The following ARGFX variants were observed in gnomAD, a reference collection of about 807,000 sequenced individuals.
ARGFX encodes arginine-fifty homeobox.
ARGFX carries 10 observed loss-of-function variants against 8.0 expected under a neutral mutation model. The observed-to-expected ratio is 1.25, with a 90% CI of 0.77 to 2.12. The LOEUF (loss-of-function observed/expected upper bound fraction) is 2.12. Ranked by LOEUF, ARGFX falls within the 30% of genes most tolerant of loss-of-function variation. ARGFX has a pLI of 0.00. For synonymous variants in ARGFX, 116 were observed against 117.8 expected (o/e 0.98, Z 0.10); for missense variants, 282 against 324.3 (o/e 0.87, Z 1.00).
chr3:121,585,152 C>T lies in ARGFX; in HGVS notation c.369+87C>T, dbSNP rs142772117. 7.5e-5 allele frequency: 107 copies of T among 1,418,878 alleles called. No homozygotes were observed. The East Asian group carries it at 2.4e-3, about 32-fold the overall frequency. The allele number at this position is 1,418,878 out of a possible 1,614,324, so 87.9% of individuals were successfully genotyped here. ...GAAATTCCCCACCCTCTACCCCTGCCCCACAATAATATTTCATTAATTGAG... is the reference window on the plus strand; with the variant it reads ...GAAATTCCCCACCCTCTACCCCTGCTCCACAATAATATTTCATTAATTGAG... On this transcript the variant is annotated intron_variant, in intron 4 of 4. Coordinates refer to ENST00000334384, the MANE Select transcript of ARGFX (RefSeq NM_001012659.2).
chr3:121,582,405 A>G lies in ARGFX; in HGVS notation c.221-2512A>G, dbSNP rs542828760. ...TTTAAGATATGGCTATCTAAGGTAA[A>G]TACAGTTTGAGTAGAATAATTTTAT... On this transcript the variant is annotated intron_variant, in intron 3 of 4. Coordinates refer to ENST00000334384, the MANE Select transcript of ARGFX (RefSeq NM_001012659.2). Among the ~76,000 whole-genome samples, 13 of 152,306 alleles carry G rather than the reference A, an allele frequency of 8.5e-5. No homozygotes were observed. The South Asian group carries it at 2.5e-3, about 29-fold the overall frequency.
intron 3 of ARGFX, among the ~76,000 whole-genome samples, chr3:121,580,077 C>T (rs483713): frequency 0.099 from 14,984 of 151,026 alleles, 802 homozygotes; most frequent in Middle Eastern, 0.15. Context: ...CTCAGCCTCC[C>T]GAGTAGCTGG....
chr3:121,582,629 G>C (rs920021579), intron 3 of ARGFX, among the ~76,000 whole-genome samples: 1 of 152,148 alleles, frequency 6.6e-6, no homozygotes, highest in Non-Finnish European at 1.5e-5. Context: ...ATTTTTGCCT[G>C]ATTTTAGTAT....
chr3:121,585,183 A>G (rs1336613020), intron 4 of ARGFX, 118 bp downstream of exon 4: 2 of 1,158,008 alleles, frequency 1.7e-6, no homozygotes, highest in Non-Finnish European at 2.4e-6. Flanking sequence ...TTGAGTACCT[A>G]CTGAAACGGT....
rs762546821 is a variant in ARGFX at position 121,586,599 on chromosome 3, GA to G, written c.948del (p.Ter316CysfsTer42). The G allele has an allele frequency of 5.6e-6, 9 of 1,609,612 alleles. No individual in the cohort carries two copies. Among genetic ancestry groups the G allele is most frequent in the Non-Finnish European group, 7.6e-6 (9 of 1,177,598 alleles). On this transcript the variant is annotated frameshift_variant and stop_lost, in exon 5 of 5. Transcript: ENST00000334384. LOFTEE classifies it high-confidence loss of function. ...AATATGGTAGACTTGGGATTTCTCT[GA>G]CCAGAGTACTAATAAATATAGATCA... ...TSNMVDLGFL[*>X]
chr3:121,586,358 C>A lies in ARGFX; in HGVS notation c.706C>A (p.Leu236Ile), dbSNP rs1171684808. Reference sequence around the variant, plus strand: ...ATTCCAAATCATAGAACTGTACAATCTTCCTGATGAGAATGAGATATCCAG... The same window carrying A: ...ATTCCAAATCATAGAACTGTACAATATTCCTGATGAGAATGAGATATCCAG... ...DIFQIIELYN[L>I]PDENEISSSS... The change falls in exon 5 of 5, where the codon CTT (leucine) becomes ATT (isoleucine). Residue 236 changes from leucine (L) to isoleucine (I), a missense_variant. Transcript: ENST00000334384. The A allele has an allele frequency of 6.2e-7, 1 of 1,614,198 alleles. No individual in the cohort carries two copies. The highest frequency in any genetic ancestry group is 1.3e-5 in the African/African-American group (1 of 75,034).
rs1487679102 is a variant in ARGFX at position 121,587,062 on chromosome 3, T to G, written c.*462T>G. Among the ~76,000 whole-genome samples the G allele has an allele frequency of 1.3e-5, 2 of 151,916 alleles. No individual in the cohort carries two copies. Among genetic ancestry groups the G allele is most frequent in the South Asian group, 2.1e-4 (1 of 4,806 alleles). ...TCGCCACCACACCTGGCTAATTTTTTTTTTTTGAGACTGAGTCTCGCACTG... is the reference window on the plus strand; with the variant it reads ...TCGCCACCACACCTGGCTAATTTTTGTTTTTTGAGACTGAGTCTCGCACTG... On this transcript the variant is annotated 3_prime_UTR_variant, in exon 5 of 5. Transcript: ENST00000334384.
chr3:121,571,043 C>G (rs1329765871), intron 2 of ARGFX, among the ~76,000 whole-genome samples: 1 of 152,128 alleles, frequency 6.6e-6, no homozygotes, highest in Non-Finnish European at 1.5e-5. Context: ...ATATATAGAG[C>G]AAGTGAGCAT....
chr3:121,570,950 C>T, intron 2 of ARGFX, 134 bp downstream of exon 2: 2 of 584,266 alleles, frequency 3.4e-6, no homozygotes, highest in Non-Finnish European at 5.7e-6. Flanking sequence ...GTCTTCCCAT[C>T]ATAAAAGGAG....
chr3:121,572,245 T>A (rs202213487), intron 2 of ARGFX, among the ~76,000 whole-genome samples: 41,023 of 146,910 alleles, frequency 0.28, 6,096 homozygotes, highest in East Asian at 0.61. Flanking sequence ...TGTTTTTTTT[T>A]TTTTTTTTTT....
Position 121,585,140 on chromosome 3 carries a change from C to T in ARGFX, c.369+75C>T, listed in dbSNP as rs1370621206. 17 of 1,493,450 alleles carry T rather than the reference C, an allele frequency of 1.1e-5. No individual in the cohort carries two copies. The Admixed American group carries it at 3.2e-4, about 28-fold the overall frequency. The allele number at this position is 1,493,450 out of a possible 1,614,324, so 92.5% of individuals were successfully genotyped here. On this transcript the variant is annotated intron_variant, in intron 4 of 4. Coordinates refer to ENST00000334384, the MANE Select transcript of ARGFX (RefSeq NM_001012659.2). ...CTATCCAGCCTGGAAATTCCCCACC[C>T]TCTACCCCTGCCCCACAATAATATT...
chr3:121,579,279 G>A (rs950489227), intron 3 of ARGFX, among the ~76,000 whole-genome samples: 10 of 152,140 alleles, frequency 6.6e-5, no homozygotes, highest in Admixed American at 1.3e-4. Flanking sequence ...TATAATTATT[G>A]AAGTATTTGT....
chr3:121,581,117 A>T (rs2048777605), intron 3 of ARGFX, among the ~76,000 whole-genome samples: 1 of 152,042 alleles, frequency 6.6e-6, no homozygotes, highest in South Asian at 2.1e-4. Context: ...ACAGGCACAC[A>T]TCACCACTCC....
At position 121,586,456 on chromosome 3, in the gene ARGFX, C is replaced by T; in HGVS notation, c.804C>T (p.Leu268=). The change falls in exon 5 of 5, where the codon CTC becomes CTT. Residue 268 remains leucine, a synonymous_variant. Coordinates refer to ENST00000334384, the MANE Select transcript of ARGFX (RefSeq NM_001012659.2). ...AGGTAGGAGGACAGGGTTCCTCTCTCAGCATCTTTGCTGGTCCAGCTGTAG... is the reference window on the plus strand; with the variant it reads ...AGGTAGGAGGACAGGGTTCCTCTCTTAGCATCTTTGCTGGTCCAGCTGTAG... The part of the protein sequence containing the change: ...KYQVGGQGSS[L]SIFAGPAVGL... 2 of 1,614,218 alleles carry T rather than the reference C, an allele frequency of 1.2e-6. No homozygotes were observed. The highest frequency in any genetic ancestry group is 1.7e-6 in the Non-Finnish European group (2 of 1,180,046).
intron 3 of ARGFX, among the ~76,000 whole-genome samples, chr3:121,581,475 G>A (rs2048779629): frequency 6.6e-6 from 1 of 152,084 alleles, no homozygotes; most frequent in Non-Finnish European, 1.5e-5. Context: ...AATATTTCAT[G>A]AGAAATACTT....
intron 2 of ARGFX, 57 bp downstream of exon 2, chr3:121,570,873 C>A: frequency 2.5e-6 from 3 of 1,186,128 alleles, no homozygotes; most frequent in Non-Finnish European, 3.5e-6. Flanking sequence ...TCTCATGCAG[C>A]CCTACAATTG....
In ARGFX at chr3:121,586,524, C is replaced by A. The variant is rs199782325; in HGVS notation, c.872C>A (p.Ala291Asp). 2.3e-5 allele frequency: 37 copies of A among 1,614,032 alleles called. No individual in the cohort carries two copies. The highest frequency in any genetic ancestry group is 4.4e-5 in the South Asian group (4 of 91,080). The stretch of plus-strand genomic sequence containing the variant: ...ACCTGGCCCAATATGACAAGCCAAG[C>A]CTTTGAAGCCTACAGTCTAACAGAT... ...AQTWPNMTSQ[A>D]FEAYSLTDSL... is the part of the protein sequence containing the mutation. Residue 291 changes from alanine to aspartate, a missense_variant, in exon 5 of 5, where the codon GCC becomes GAC. Physicochemically the swap from Ala to Asp is moderately radical, Grantham distance 126. Coordinates refer to ENST00000334384, the MANE Select transcript of ARGFX (RefSeq NM_001012659.2).
intron 3 of ARGFX, among the ~76,000 whole-genome samples, chr3:121,577,469 G>A (rs930950472): frequency 4.6e-5 from 7 of 151,380 alleles, no homozygotes; most frequent in Non-Finnish European, 7.4e-5. Context: ...GACCAGGCTG[G>A]TCTTGAACTC....
chr3:121,576,628 C>T (rs138010872), intron 2 of ARGFX, among the ~76,000 whole-genome samples, 156 bp from the exon 3 acceptor site: 100 of 152,198 alleles, frequency 6.6e-4, no homozygotes, highest in African/African-American at 2.1e-3. Context: ...TGAGCCACCA[C>T]GCCTGACCTT....
Sources: gnomAD v4.1 joint callset for allele counts (sites outside exome capture counted in the v4.1 genomes callset) on GRCh38, gnomAD v4.1.1 for gene constraint, MANE v1.5 for transcripts, NCBI Gene and HGNC (gene_info 2026-07-23, HGNC 2026-07-21) for gene names.